Variants in DPP10 observed in about 807,000 individuals in gnomAD.
DPP10 encodes the protein inactive dipeptidyl peptidase 10.
Under a neutral mutation model 120.9 loss-of-function variants are expected in DPP10, and 33 were observed. The ratio of observed to expected loss-of-function variants is 0.27; its 90% CI spans 0.21 to 0.37. The LOEUF is 0.37. Ranked by LOEUF, DPP10 falls within the 10% of genes least tolerant of loss-of-function variation. DPP10 has a pLI of 1.00. For synonymous variants in DPP10, 337 were observed against 326.1 expected, an observed-to-expected ratio of 1.03 and a Z score of -0.36; for missense variants, 816 against 942.8, an observed-to-expected ratio of 0.87 and a Z score of 1.76.
At chr2:115,394,848 A>T (rs907752108) in intron 3 of DPP10, among the ~76,000 whole-genome samples, 1 of 152,178 alleles carries the variant, frequency 6.6e-6, no homozygotes, top group African/African-American at 2.4e-5. Flanking sequence ...AAATCCATAC[A>T]TAGTTACTGT....
chr2:114,663,668 T>TAGAGAGAGAGAGAGAGAG lies in DPP10; in HGVS notation c.60+220842_60+220859dup, dbSNP rs1553479098. Among the ~76,000 whole-genome samples the TAGAGAGAGAGAGAGAGAG allele has an allele frequency of 3.7e-3, 300 of 80,652 alleles. 7 individuals are homozygous for TAGAGAGAGAGAGAGAGAG. Among genetic ancestry groups the TAGAGAGAGAGAGAGAGAG allele is most frequent in the African/African-American group, 0.016 (175 of 10,622 alleles). The allele number at this position is 80,652 out of a possible 152,430, so 52.9% of individuals were successfully genotyped here. A position where few individuals can be genotyped will look rare whatever the true frequency, so the allele number is the denominator to read the frequency against. On this transcript the variant is annotated intron_variant, in intron 1 of 25. Transcript: ENST00000410059. The stretch of plus-strand genomic sequence containing the variant: ...ATATATATATATATATATATATATA[T>TAGAGAGAGAGAGAGAGAG]AGAGAGAGAGAGAGAGAGAGAGAGA...
At chr2:114,883,763 G>A (rs1022294593) in intron 1 of DPP10, among the ~76,000 whole-genome samples, 3 of 152,176 alleles carry the variant, frequency 2.0e-5, no homozygotes, top group African/African-American at 7.2e-5. Flanking sequence ...GCTCGGGCTG[G>A]GTTCTGAGAT....
At chr2:114,468,836 A>T (rs1323059359) in intron 1 of DPP10, among the ~76,000 whole-genome samples, 1 of 152,180 alleles carries the variant, frequency 6.6e-6, no homozygotes, top group Non-Finnish European at 1.5e-5. Flanking sequence ...AGTTAATGAA[A>T]TCATATCATT....
At chr2:115,766,326 G>GTGTGTGTGTA (rs1379218031) in intron 12 of DPP10, among the ~76,000 whole-genome samples, 3 of 50,308 alleles carry the variant, frequency 6.0e-5, no homozygotes, top group African/African-American at 1.3e-4. Context: ...ATATATATAT[G>GTGTGTGTGTA]TATATATATA....
In DPP10 at chr2:114,863,251, A is replaced by G. The variant is rs189382060; in HGVS notation, c.60+420413A>G. On this transcript the variant is annotated intron_variant, in intron 1 of 25. Transcript: ENST00000410059. ...ATGGGTAAATAGCAGGGAAGAAGTTAGCCAGAATCTGATTCCTCCTGGGAG... is the reference window on the plus strand; with the variant it reads ...ATGGGTAAATAGCAGGGAAGAAGTTGGCCAGAATCTGATTCCTCCTGGGAG... Among the ~76,000 whole-genome samples, 54 of 152,358 alleles carry G rather than the reference A, an allele frequency of 3.5e-4. No homozygotes were observed. In the East Asian group the frequency reaches 9.6e-3, roughly 27 times the overall value.
intron 19 of DPP10, among the ~76,000 whole-genome samples, chr2:115,803,928 G>T (rs577440336): frequency 6.6e-6 from 1 of 152,092 alleles, no homozygotes; most frequent in African/African-American, 2.4e-5. Context: ...CTCTTCTCGA[G>T]CAGTATCTTT....
At chr2:115,380,706 A>C (rs1323193461) in intron 3 of DPP10, among the ~76,000 whole-genome samples, 1 of 151,608 alleles carries the variant, frequency 6.6e-6, no homozygotes, top group Admixed American at 6.6e-5. Context: ...GTTCCTTTCC[A>C]TGTTTAGTGC....
chr2:114,531,886 C>T (rs1686019935), intron 1 of DPP10, among the ~76,000 whole-genome samples: 1 of 151,890 alleles, frequency 6.6e-6, no homozygotes, highest in Admixed American at 6.6e-5. Context: ...TTCTGGGTGT[C>T]TGTGAGGATG....
At chr2:115,807,827 G>A (rs1448766029) in intron 19 of DPP10, among the ~76,000 whole-genome samples, 1 of 145,498 alleles carries the variant, frequency 6.9e-6, no homozygotes, top group African/African-American at 2.8e-5. Flanking sequence ...ATATATGTTT[G>A]GGTTTTTTTT....
chr2:115,573,324 C>T (rs994331824), intron 5 of DPP10, among the ~76,000 whole-genome samples: 1 of 148,086 alleles, frequency 6.8e-6, no homozygotes, highest in Non-Finnish European at 1.5e-5. Flanking sequence ...GCTCTGTCGC[C>T]CAGGCTGGAG....
At chr2:115,511,703 T>A (rs2077230845) in intron 4 of DPP10, among the ~76,000 whole-genome samples, 1 of 119,138 alleles carries the variant, frequency 8.4e-6, no homozygotes, top group Non-Finnish European at 1.7e-5. Flanking sequence ...TTTTCTTCTT[T>A]CTTCTTCTTC....
chr2:115,254,745 A>G (rs1217861453), intron 1 of DPP10, among the ~76,000 whole-genome samples: 1 of 152,190 alleles, frequency 6.6e-6, no homozygotes, highest in Non-Finnish European at 1.5e-5. Context: ...CGCAAGTCTG[A>G]AATTCAATAG....
chr2:115,726,500 A>G (rs1281272937), intron 7 of DPP10, among the ~76,000 whole-genome samples: 1 of 152,120 alleles, frequency 6.6e-6, no homozygotes, highest in Non-Finnish European at 1.5e-5. Flanking sequence ...AATGTTATCA[A>G]GGTCATTAGG....
chr2:115,782,223 G>T, intron 16 of DPP10, 129 bp from the exon 17 acceptor site: 1 of 676,542 alleles, frequency 1.5e-6, no homozygotes, highest in Non-Finnish European at 2.5e-6. Flanking sequence ...TAGTTATCTG[G>T]TTTCTGTTTT....
chr2:115,382,293 A>T (rs2066448345), intron 3 of DPP10, among the ~76,000 whole-genome samples: 1 of 152,262 alleles, frequency 6.6e-6, no homozygotes, highest in South Asian at 2.1e-4. Flanking sequence ...GGAAAAGTGC[A>T]GTATTAGGGT....
At chr2:115,373,806 T>A (rs2065588115) in intron 3 of DPP10, among the ~76,000 whole-genome samples, 1 of 151,568 alleles carries the variant, frequency 6.6e-6, no homozygotes, top group Non-Finnish European at 1.5e-5. Context: ...ACAGGAATCA[T>A]GACTGTGAGG....
intron 5 of DPP10, among the ~76,000 whole-genome samples, chr2:115,610,386 A>G (rs893613483): frequency 6.6e-6 from 1 of 152,074 alleles, no homozygotes; most frequent in Non-Finnish European, 1.5e-5. Flanking sequence ...AGTTACTGAG[A>G]TCAACCCTAT....
At chr2:114,728,003 G>T (rs919942178) in intron 1 of DPP10, among the ~76,000 whole-genome samples, 2 of 152,190 alleles carry the variant, frequency 1.3e-5, no homozygotes, top group South Asian at 2.1e-4. Context: ...TGATCAAAGG[G>T]CTCATTTGTG....
Position 114,563,149 on chromosome 2 carries a change from G to A in DPP10, c.60+120311G>A, listed in dbSNP as rs372538512. Among the ~76,000 whole-genome samples, 103 of 152,288 alleles carry A rather than the reference G, an allele frequency of 6.8e-4. 2 individuals are homozygous for A. The South Asian group carries it at 0.018, about 26-fold the overall frequency. The stretch of plus-strand genomic sequence containing the variant: ...AGTACTTTGGGAGGCCAAGGCGGGC[G>A]GATCATAAGGTCAAGAGATGGAGAC... On this transcript the variant is annotated intron_variant, in intron 1 of 25. Coordinates refer to ENST00000410059, the MANE Select transcript of DPP10 (RefSeq NM_020868.6).
Sources: gnomAD v4.1 joint callset for allele counts (sites outside exome capture counted in the v4.1 genomes callset) on GRCh38, gnomAD v4.1.1 for gene constraint, MANE v1.5 for transcripts, NCBI Gene and HGNC (gene_info 2026-07-23, HGNC 2026-07-21) for gene names.